KLRG1: variants seen among roughly 807,000 people sequenced by gnomAD.
The protein encoded by KLRG1 is killer cell lectin like receptor G1, also known as killer cell lectin-like receptor subfamily G member 1.
In KLRG1, 16 loss-of-function variants were observed where a neutral mutation model predicts 21.8. The ratio of observed to expected loss-of-function variants is 0.73; its 90% confidence interval spans 0.50 to 1.11. KLRG1 has a LOEUF of 1.11. Ranked by LOEUF, KLRG1 falls within the 50% of genes most tolerant of loss-of-function variation. The pLI is 0.00. For missense variants in KLRG1, 173 were observed against 218.3 expected, an observed-to-expected ratio of 0.79 and a Z score of 1.31; for synonymous variants, 69 against 75.9, an observed-to-expected ratio of 0.91 and a Z score of 0.47.
chr12:9,137,123 T>G, the KLRG1 span, among the ~76,000 whole-genome samples: 3 of 152,196 alleles, frequency 2.0e-5, no homozygotes, highest in Non-Finnish European at 4.4e-5. Flanking sequence ...TCATAAAGCA[T>G]GTCTTTTATT....
the KLRG1 span, among the ~76,000 whole-genome samples, chr12:9,068,579 G>A: frequency 6.6e-6 from 1 of 152,278 alleles, no homozygotes; most frequent in Non-Finnish European, 1.5e-5. Flanking sequence ...TTTCTATAAT[G>A]TATGTATAAG....
At chr12:9,031,069 T>G in the KLRG1 span, among the ~76,000 whole-genome samples, 89 of 152,306 alleles carry the variant, frequency 5.8e-4, no homozygotes, top group Admixed American at 5.0e-3. Flanking sequence ...CATTTTAGAA[T>G]TAATTTTTGT....
At chr12:9,119,528 T>G in the KLRG1 span, among the ~76,000 whole-genome samples, 1 of 152,114 alleles carries the variant, frequency 6.6e-6, no homozygotes. Context: ...CTAGAGCCAG[T>G]TTGGCAGTTT....
At chr12:9,095,040 G>C in the KLRG1 span, 76 of 1,596,876 alleles carry the variant, frequency 4.8e-5, no homozygotes, top group East Asian at 2.0e-4. Context: ...GACACATTTT[G>C]GGTTTACGAA....
At chr12:9,181,096 C>T in the KLRG1 span, 5 of 1,614,138 alleles carry the variant, frequency 3.1e-6, no homozygotes, top group Non-Finnish European at 4.2e-6. Flanking sequence ...GCATGTGAGG[C>T]TGGGGGACTT....
the KLRG1 span, chr12:9,110,181 C>CT: frequency 8.9e-7 from 1 of 1,119,662 alleles, no homozygotes; most frequent in Non-Finnish European, 1.3e-6. Flanking sequence ...TTATAGCCAT[C>CT]TAGCTCTATG....
chr12:9,194,601 A>G, the KLRG1 span, among the ~76,000 whole-genome samples: 4 of 151,474 alleles, frequency 2.6e-5, no homozygotes, highest in Non-Finnish European at 5.9e-5. Context: ...AGTAGCTGGG[A>G]CTACAGGCGC....
intron 1 of KLRG1, among the ~76,000 whole-genome samples, chr12:8,976,840 G>T (rs1946664390): frequency 6.6e-6 from 1 of 151,938 alleles, no homozygotes; most frequent in Non-Finnish European, 1.5e-5. Flanking sequence ...TCCACCTTAT[G>T]GGTTCAAGTG....
At chr12:8,990,457 A>C (rs1350123838) in intron 1 of KLRG1, 2 of 152,088 alleles carry the variant, frequency 1.3e-5, no homozygotes, top group African/African-American at 4.8e-5. Context: ...TTTACTACAT[A>C]GTTTTACTAT....
chr12:8,956,802 C>T (rs1335190659), intron 1 of KLRG1, among the ~76,000 whole-genome samples: 1 of 152,208 alleles, frequency 6.6e-6, no homozygotes, highest in Non-Finnish European at 1.5e-5. Context: ...CACTGCGTTC[C>T]CTTCGTTCAT....
At chr12:9,164,112 C>T in the KLRG1 span, 3 of 1,604,780 alleles carry the variant, frequency 1.9e-6, no homozygotes, top group Non-Finnish European at 2.6e-6. Flanking sequence ...TTGATAGGCC[C>T]TTTTGGGTAC....
the KLRG1 span, chr12:9,182,098 T>A: frequency 6.3e-7 from 1 of 1,589,982 alleles, no homozygotes; most frequent in African/African-American, 1.4e-5. Flanking sequence ...CAGGGAAGGA[T>A]AAGGCAAAAC....
chr12:9,112,515 C>T, the KLRG1 span: 3 of 1,613,740 alleles, frequency 1.9e-6, no homozygotes, highest in South Asian at 3.3e-5. Flanking sequence ...ATTACCTCCT[C>T]ATTGGATGAA....
the KLRG1 span, chr12:9,194,074 T>G: frequency 4.8e-5 from 77 of 1,612,088 alleles, 1 homozygote; most frequent in South Asian, 7.6e-4. Flanking sequence ...TTTCTATACT[T>G]ACCCGGACAA....
chr12:9,058,236 T>G, the KLRG1 span: 1 of 152,198 alleles, frequency 6.6e-6, no homozygotes, highest in Non-Finnish European at 1.5e-5. Flanking sequence ...CTACCTTATT[T>G]ATCTATTATC....
rs1206869649 is a variant in KLRG1 at position 8,978,793 on chromosome 12, C to A, written c.-155-13413C>A. On this transcript the variant is annotated intron_variant, in intron 1 of 4. Coordinates refer to the KLRG1 transcript ENST00000539240. ...GCAGTGGCACATTCCTGCCTCACTG[C>A]AACCTCTGCCTCCTGGGCTCAAATG... is the stretch of plus-strand genomic sequence containing the variant. Among the ~76,000 whole-genome samples the A allele has an allele frequency of 2.3e-5, 3 of 130,078 alleles. No homozygotes were observed. In the South Asian group the frequency reaches 7.1e-4, roughly 31 times the overall value. 85.3% of individuals were successfully genotyped at this position (130,078 alleles called of 152,430 possible).
At chr12:9,200,664 G>A in the KLRG1 span, among the ~76,000 whole-genome samples, 276 of 152,228 alleles carry the variant, frequency 1.8e-3, 1 homozygote, top group Middle Eastern at 0.01. Context: ...ACAAATGATG[G>A]TGGTTTCACT....
chr12:9,109,422 A>C, the KLRG1 span: 3 of 1,599,864 alleles, frequency 1.9e-6, no homozygotes, highest in Non-Finnish European at 2.6e-6. Flanking sequence ...ATTGGTGATA[A>C]AGAAGGTTGG....
the KLRG1 span, chr12:9,104,492 T>C: frequency 3.2e-3 from 4,366 of 1,350,488 alleles, 119 homozygotes; most frequent in African/African-American, 0.058. Context: ...GCCTCCTCTA[T>C]GTTGAACATG....
Sources: gnomAD v4.1 joint callset for allele counts (sites outside exome capture counted in the v4.1 genomes callset) on GRCh38, gnomAD v4.1.1 for gene constraint, MANE v1.5 for transcripts, NCBI Gene and HGNC (gene_info 2026-07-23, HGNC 2026-07-21) for gene names.